The following MIR2052HG variants were observed in gnomAD, a reference collection of about 807,000 sequenced individuals.
MIR2052HG encodes MIR2052 host gene.
chr8:74,684,545 T>A (rs1043699454), intron 2 of MIR2052HG, among the ~76,000 whole-genome samples: 1 of 152,064 alleles, frequency 6.6e-6, no homozygotes, highest in African/African-American at 2.4e-5. Flanking sequence ...AGTAAGTGAA[T>A]AAATGAGAAC....
At chr8:74,717,593 G>A (rs982819597) in intron 4 of MIR2052HG, among the ~76,000 whole-genome samples, 7 of 152,042 alleles carry the variant, frequency 4.6e-5, no homozygotes, top group African/African-American at 1.5e-4. Context: ...TGAGGTGGGA[G>A]GATCCCATAA....
intron 1 of MIR2052HG, among the ~76,000 whole-genome samples, chr8:74,604,582 A>ACTTTTTTTTTT (rs1808082133): frequency 1.8e-5 from 1 of 55,492 alleles, no homozygotes; most frequent in Non-Finnish European, 3.5e-5. Flanking sequence ...TTGTTTCTTT[A>ACTTTTTTTTTT]CTTTTTTTTT....
intron 4 of MIR2052HG, among the ~76,000 whole-genome samples, chr8:74,714,458 A>G (rs1809500358): frequency 6.6e-6 from 1 of 152,212 alleles, no homozygotes; most frequent in Non-Finnish European, 1.5e-5. Flanking sequence ...AAAGTTATAT[A>G]GATTTAGTCA....
At chr8:74,738,938 T>C (rs977103449) in intron 4 of MIR2052HG, among the ~76,000 whole-genome samples, 1 of 152,218 alleles carries the variant, frequency 6.6e-6, no homozygotes, top group Non-Finnish European at 1.5e-5. Flanking sequence ...GAAGAAACAA[T>C]GTAAAAGGCC....
intron 1 of MIR2052HG, chr8:74,603,483 G>A: frequency 6.3e-7 from 1 of 1,592,634 alleles, no homozygotes; most frequent in Non-Finnish European, 8.6e-7. Context: ...GCCCGATTAT[G>A]CAGCCAATCA....
intron 4 of MIR2052HG, among the ~76,000 whole-genome samples, chr8:74,721,774 G>A (rs1158660458): frequency 2.0e-5 from 3 of 152,204 alleles, no homozygotes; most frequent in African/African-American, 7.2e-5. Context: ...CCAGATTTTA[G>A]GGGAGGGAAT....
chr8:74,600,625 G>A (rs562440538), intron 1 of MIR2052HG, among the ~76,000 whole-genome samples: 1 of 151,534 alleles, frequency 6.6e-6, no homozygotes, highest in East Asian at 1.9e-4. Context: ...CAGCAGGCTG[G>A]AGTGCGGTGG....
intron 4 of MIR2052HG, among the ~76,000 whole-genome samples, chr8:74,717,262 T>C (rs1809529608): frequency 6.6e-6 from 1 of 152,024 alleles, no homozygotes; most frequent in Admixed American, 6.6e-5. Context: ...TGGTGTGTGG[T>C]TTTCTGTTCC....
At chr8:74,730,849 T>A (rs545877601) in intron 4 of MIR2052HG, among the ~76,000 whole-genome samples, 2 of 152,330 alleles carry the variant, frequency 1.3e-5, no homozygotes, top group Admixed American at 1.3e-4. Flanking sequence ...AAATAATTTT[T>A]ATTGAAATAA....
chr8:74,748,986 C>T (rs1809915296), intron 4 of MIR2052HG, among the ~76,000 whole-genome samples: 1 of 152,054 alleles, frequency 6.6e-6, no homozygotes, highest in African/African-American at 2.4e-5. Context: ...ATTGTGAAAC[C>T]TGGGAAGATA....
intron 2 of MIR2052HG, among the ~76,000 whole-genome samples, chr8:74,630,528 G>GGAAA (rs375000242): frequency 5.6e-5 from 7 of 126,078 alleles, no homozygotes; most frequent in African/African-American, 2.0e-4. Context: ...AGATTTCTCT[G>GGAAA]AAAAAAAAAA....
At chr8:74,687,311 A>G (rs1192525198) in intron 2 of MIR2052HG, among the ~76,000 whole-genome samples, 2 of 152,134 alleles carry the variant, frequency 1.3e-5, no homozygotes, top group African/African-American at 4.8e-5. Flanking sequence ...ATTTAAAAGG[A>G]ACTACCATAT....
intron 2 of MIR2052HG, chr8:74,632,626 C>T: frequency 6.6e-6 from 1 of 152,176 alleles, no homozygotes. Flanking sequence ...AAAACACATA[C>T]AACATCTAAA....
chr8:74,698,251 C>T lies in MIR2052HG; in HGVS notation n.217-4128C>T, dbSNP rs75553542. ...TTAACAATACAAACAAAAACAAAGT[C>T]GGGGAAAGGACAGCTTATTTAACAA... is the stretch of plus-strand genomic sequence containing the variant. On this transcript the variant is annotated intron_variant and non_coding_transcript_variant, in intron 2 of 6. Transcript: ENST00000523442. Among the ~76,000 whole-genome samples the T allele has an allele frequency of 5.1e-4, 78 of 152,012 alleles. No individual in the cohort carries two copies. In the East Asian group the frequency reaches 0.01, roughly 20 times the overall value.
In MIR2052HG at chr8:74,670,682, A is replaced by G. The variant is rs145051577; in HGVS notation, n.217-31697A>G. Among the ~76,000 whole-genome samples, 6 of 152,272 alleles carry G rather than the reference A, an allele frequency of 3.9e-5. No homozygotes were observed. In the East Asian group the frequency reaches 1.2e-3, roughly 29 times the overall value. Reference sequence around the variant, plus strand: ...TCTAGTATTCATATAAGCTAAAGAAAAATATTTCAGGAAGTTGGTATATGG... The same window carrying G: ...TCTAGTATTCATATAAGCTAAAGAAGAATATTTCAGGAAGTTGGTATATGG... On this transcript the variant is annotated intron_variant and non_coding_transcript_variant, in intron 2 of 6. Coordinates refer to ENST00000523442, the Ensembl canonical transcript of MIR2052HG.
chr8:74,691,658 G>C (rs1401904102), intron 2 of MIR2052HG, among the ~76,000 whole-genome samples: 1 of 152,144 alleles, frequency 6.6e-6, no homozygotes, highest in Non-Finnish European at 1.5e-5. Flanking sequence ...TGCATTGAAG[G>C]CTATAGAAAG....
intron 2 of MIR2052HG, among the ~76,000 whole-genome samples, chr8:74,678,238 T>G (rs1809076039): frequency 6.6e-6 from 1 of 152,172 alleles, no homozygotes; most frequent in East Asian, 1.9e-4. Flanking sequence ...ATACAATAAT[T>G]CTCACAAACT....
intron 2 of MIR2052HG, among the ~76,000 whole-genome samples, chr8:74,661,396 T>G (rs2128737018): frequency 6.6e-6 from 1 of 151,946 alleles, no homozygotes; most frequent in Admixed American, 6.6e-5. Flanking sequence ...AGAGATGGGG[T>G]TTCAATATGT....
At chr8:74,698,523 A>G (rs1238325595) in intron 2 of MIR2052HG, among the ~76,000 whole-genome samples, 1 of 152,332 alleles carries the variant, frequency 6.6e-6, no homozygotes, top group East Asian at 1.9e-4. Flanking sequence ...TAATTAAACT[A>G]AAAAGCTTCT....
Sources: allele counts gnomAD v4.1 joint callset (sites outside exome capture counted in the v4.1 genomes callset), GRCh38; gene constraint gnomAD v4.1.1; transcripts MANE v1.5; gene names NCBI Gene and HGNC (gene_info 2026-07-23, HGNC 2026-07-21).